MS4A1: variants seen among roughly 807,000 people sequenced by gnomAD.
MS4A1 encodes the protein membrane spanning 4-domains A1, also known as B-lymphocyte antigen CD20.
A neutral mutation model predicts 26.5 loss-of-function variants in MS4A1; 16 were observed. That is an observed-to-expected ratio of 0.60 (90% CI 0.41 to 0.92). The LOEUF is 0.92. Among genes scored for constraint, MS4A1 ranks in the 40% least tolerant of loss-of-function variants. The pLI is 0.00. For missense variants in MS4A1, 350 were observed against 353.0 expected, an observed-to-expected ratio of 0.99 and a Z score of 0.07; for synonymous variants, 128 against 117.6, an observed-to-expected ratio of 1.09 and a Z score of -0.57.
In MS4A1 at chr11:60,462,983, G is replaced by C; in HGVS notation, c.160-19G>C. 10 of 1,612,768 alleles carry C rather than the reference G, an allele frequency of 6.2e-6. No individual in the cohort carries two copies. The highest frequency in any genetic ancestry group is 8.5e-6 in the Non-Finnish European group (10 of 1,179,976). On this transcript the variant is annotated intron_variant, in intron 3 of 7. Transcript: ENST00000345732. ...TGATGATTTCAGCTCATCCACTGCT[G>C]CCTCTGTTCTCTCCCCAGGCTGTCC... is the stretch of plus-strand genomic sequence containing the variant.
intron 1 of MS4A1, among the ~76,000 whole-genome samples, chr11:60,457,835 A>G (rs1297870649): frequency 2.0e-5 from 3 of 152,170 alleles, no homozygotes; most frequent in Non-Finnish European, 4.4e-5. Flanking sequence ...AGTGGGTAGC[A>G]AAGCTTTGAA....
At chr11:60,466,502 T>A (rs978502052) in intron 6 of MS4A1, 3 of 350,084 alleles carry the variant, frequency 8.6e-6, no homozygotes, top group Non-Finnish European at 1.6e-5. Context: ...TTATATTAAC[T>A]AAGATGAGCA....
chr11:60,457,970 C>A (rs1375893751), intron 1 of MS4A1: 1 of 152,132 alleles, frequency 6.6e-6, no homozygotes, highest in African/African-American at 2.4e-5. Flanking sequence ...TATTTAGCAC[C>A]TTAACAAATG....
In MS4A1 at chr11:60,466,970, A is replaced by G; in HGVS notation, c.585A>G (p.Ser195=). 6.2e-7 allele frequency: 1 copy of G among 1,614,098 alleles called. No individual in the cohort carries two copies. The highest frequency in any genetic ancestry group is 1.3e-5 in the African/African-American group (1 of 75,048). ...CTGTTGTTTTTCAGGGCATTTTGTC[A>G]GTGATGCTGATCTTTGCCTTCTTCC... The part of the protein sequence containing the change: ...SIQSLFLGIL[S]VMLIFAFFQE... The change falls in exon 7 of 8, where the codon TCA becomes TCG. Residue 195 remains serine (S), a synonymous_variant. Transcript: ENST00000345732.
chr11:60,458,227 G>A lies in MS4A1; in HGVS notation c.-280+2282G>A, dbSNP rs117616326. 810 of 152,304 alleles carry A rather than the reference G, an allele frequency of 5.3e-3. 8 individuals carry two copies. Among genetic ancestry groups the A allele is most frequent in the Non-Finnish European group, 7.2e-3 (491 of 68,050 alleles). The allele number at this position is 152,304 out of a possible 1,614,324, so 9.4% of individuals were successfully genotyped here. A position where few individuals can be genotyped will look rare whatever the true frequency, so the allele number is the denominator to read the frequency against. On this transcript the variant is annotated intron_variant, in intron 1 of 7. Transcript: ENST00000345732. The stretch of plus-strand genomic sequence containing the variant: ...AAGGGAAGTAAGAGCACTCTTCCTC[G>A]GAGATAGGTGCACAGGAGGCCAGAA...
chr11:60,464,700 G>T (rs927956879), intron 5 of MS4A1, among the ~76,000 whole-genome samples: 2 of 152,174 alleles, frequency 1.3e-5, no homozygotes, highest in African/African-American at 4.8e-5. Context: ...TTCTAGCTAA[G>T]CCATTTTTTG....
intron 1 of MS4A1, among the ~76,000 whole-genome samples, chr11:60,458,868 A>G (rs539894303): frequency 1.3e-5 from 2 of 152,260 alleles, no homozygotes; most frequent in African/African-American, 4.8e-5. Flanking sequence ...AAAAAAACAG[A>G]GAAAGCACTC....
At chr11:60,461,644 C>T (rs149798711) in intron 2 of MS4A1, among the ~76,000 whole-genome samples, 2 of 151,628 alleles carry the variant, frequency 1.3e-5, no homozygotes, top group Non-Finnish European at 2.9e-5. Context: ...CTTAGCCTCC[C>T]GAGTAGCTGG....
rs547210099 is a variant in MS4A1 at position 60,457,417 on chromosome 11, C to T, written c.-280+1472C>T. On this transcript the variant is annotated intron_variant, in intron 1 of 7. Transcript: ENST00000345732. ...GAAGAGCATCACTCAAAACAGTGAT[C>T]GGGAGCTTGATGTAGCAGCCTTGTG... 4.6e-5 allele frequency among the ~76,000 whole-genome samples: 7 copies of T among 152,098 alleles called. No homozygotes were observed. The South Asian group carries it at 1.0e-3, about 23-fold the overall frequency.
Position 60,466,177 on chromosome 11 carries a change from G to A in MS4A1, c.573+20G>A, listed in dbSNP as rs2086290235. 6.4e-7 allele frequency: 1 copy of A among 1,562,788 alleles called. No homozygotes were observed. The highest frequency in any genetic ancestry group is 8.8e-7 in the Non-Finnish European group (1 of 1,133,734). ...TTCTTGGTAAGTGTTCTTGGTAAGTGTGAGATTGGATTTCTCTCCAGGGAG... is the reference window on the plus strand; with the variant it reads ...TTCTTGGTAAGTGTTCTTGGTAAGTATGAGATTGGATTTCTCTCCAGGGAG... On this transcript the variant is annotated intron_variant, in intron 6 of 7. Coordinates refer to ENST00000345732, the MANE Select transcript of MS4A1 (RefSeq NM_152866.3).
intron 1 of MS4A1, among the ~76,000 whole-genome samples, chr11:60,459,055 CAA>C (rs1172046781): frequency 6.6e-6 from 1 of 152,086 alleles, no homozygotes; most frequent in Non-Finnish European, 1.5e-5. Context: ...AATTGGCTTA[CAA>C]AAAAGTTTAT....
chr11:60,468,547 T>C lies in MS4A1; in HGVS notation c.*79T>C. 1 of 1,357,732 alleles carries C rather than the reference T, an allele frequency of 7.4e-7. No homozygotes were observed. The highest frequency in any genetic ancestry group is 1.0e-6 in the Non-Finnish European group (1 of 958,640). 84.1% of individuals were successfully genotyped at this position (1,357,732 alleles called of 1,614,324 possible). A position where few individuals can be genotyped will look rare whatever the true frequency, so the allele number is the denominator to read the frequency against. On this transcript the variant is annotated 3_prime_UTR_variant, in exon 8 of 8. Coordinates refer to ENST00000345732, the MANE Select transcript of MS4A1 (RefSeq NM_152866.3). Reference sequence around the variant, plus strand: ...CAAGAGACATGCTGACTTTCATTTCTTGAGGTACTCTGCACATACGCACCA... The same window carrying C: ...CAAGAGACATGCTGACTTTCATTTCCTGAGGTACTCTGCACATACGCACCA...
At chr11:60,461,645 G>A (rs1463150870) in intron 2 of MS4A1, among the ~76,000 whole-genome samples, 2 of 151,584 alleles carry the variant, frequency 1.3e-5, no homozygotes, top group African/African-American at 2.4e-5. Context: ...TTAGCCTCCC[G>A]AGTAGCTGGG....
chr11:60,459,772 C>T (rs2086233365), intron 1 of MS4A1, among the ~76,000 whole-genome samples: 1 of 152,160 alleles, frequency 6.6e-6, no homozygotes, highest in Admixed American at 6.5e-5. Context: ...TTCTCTCTTT[C>T]CTCTAGCCCA....
intron 1 of MS4A1, among the ~76,000 whole-genome samples, chr11:60,460,259 C>T (rs1034547209): frequency 6.6e-5 from 10 of 152,126 alleles, no homozygotes; most frequent in African/African-American, 2.2e-4. Flanking sequence ...AACAAACAAA[C>T]AAACAAAAAA....
At chr11:60,459,216 G>A (rs1470079871) in intron 1 of MS4A1, among the ~76,000 whole-genome samples, 3 of 152,186 alleles carry the variant, frequency 2.0e-5, no homozygotes, top group South Asian at 2.1e-4. Flanking sequence ...CCTCTGGGGC[G>A]GAGTGTAGTG....
At position 60,462,268 on chromosome 11, in the gene MS4A1, C is replaced by T. The variant is rs552264983; in HGVS notation, c.-107C>T. 50 of 1,220,244 alleles carry T rather than the reference C, an allele frequency of 4.1e-5. No individual in the cohort carries two copies. In the South Asian group the frequency reaches 5.9e-4, roughly 14 times the overall value. 75.6% of individuals were successfully genotyped at this position (1,220,244 alleles called of 1,614,324 possible). On this transcript the variant is annotated 5_prime_UTR_variant, in exon 3 of 8. Transcript: ENST00000345732. ...CTCAATGACACTCATGGAGGAAATG[C>T]TGAGAGAAGCATTCAGATGCATGAC...
intron 1 of MS4A1, among the ~76,000 whole-genome samples, chr11:60,459,981 C>T (rs2086234860): frequency 6.6e-6 from 1 of 152,082 alleles, no homozygotes; most frequent in Non-Finnish European, 1.5e-5. Flanking sequence ...CATGGTGGCT[C>T]ACAGCTGTTA....
intron 3 of MS4A1, 31 bp downstream of exon 3, chr11:60,462,564 A>G: frequency 6.2e-7 from 1 of 1,613,894 alleles, no homozygotes. Context: ...CCCATGTCGT[A>G]GGGATTCTCT....
Sources: gnomAD v4.1 joint callset for allele counts (sites outside exome capture counted in the v4.1 genomes callset) on GRCh38, gnomAD v4.1.1 for gene constraint, MANE v1.5 for transcripts, NCBI Gene and HGNC (gene_info 2026-07-23, HGNC 2026-07-21) for gene names.